SESN1: variants seen among roughly 807,000 people sequenced by gnomAD.
SESN1 encodes sestrin-1.
In SESN1, 30 loss-of-function variants were observed where a neutral mutation model predicts 59.3. The ratio of observed to expected loss-of-function variants is 0.51; its 90% confidence interval spans 0.38 to 0.69. The LOEUF (loss-of-function observed/expected upper bound fraction) is 0.69. Among genes scored for constraint, SESN1 ranks in the 30% least tolerant of loss-of-function variants. The pLI is 0.00. For missense variants in SESN1, 566 were observed against 673.0 expected (o/e 0.84, Z 1.76); for synonymous variants, 197 against 219.9 (o/e 0.90, Z 0.92).
intron 7 of SESN1, among the ~76,000 whole-genome samples, 199 bp from the exon 8 acceptor site, chr6:108,991,034 C>T (rs1191769946): frequency 6.7e-6 from 1 of 149,488 alleles, no homozygotes; most frequent in Non-Finnish European, 1.5e-5. Flanking sequence ...TGTTTTATAA[C>T]TCAGTGAGTT....
chr6:109,079,906 A>G (rs1291237597), intron 1 of SESN1, among the ~76,000 whole-genome samples: 1 of 152,240 alleles, frequency 6.6e-6, no homozygotes, highest in Non-Finnish European at 1.5e-5. Context: ...TATGAGCTCA[A>G]TGTAATTATA....
Position 109,009,544 on chromosome 6 carries a change from A to C in SESN1, c.280-7201T>G, listed in dbSNP as rs528669835. ...GGCTCCTGGCTGCAGCGCCTCAGTC[A>C]GCACGGACGGCGGGGGGGCGGGGCG... is the stretch of plus-strand genomic sequence containing the variant. On this transcript the variant is annotated intron_variant, in intron 1 of 9. Coordinates refer to ENST00000436639, the MANE Select transcript of SESN1 (RefSeq NM_014454.3). 4.7e-6 allele frequency: 5 copies of C among 1,063,808 alleles called. No individual in the cohort carries two copies. The East Asian group carries it at 2.4e-4, about 51-fold the overall frequency. 65.9% of individuals were successfully genotyped at this position (1,063,808 alleles called of 1,614,324 possible). A position where few individuals can be genotyped will look rare whatever the true frequency, so the allele number is the denominator to read the frequency against.
At chr6:109,049,500 A>T (rs1780508616) in intron 1 of SESN1, among the ~76,000 whole-genome samples, 1 of 152,122 alleles carries the variant, frequency 6.6e-6, no homozygotes, top group Non-Finnish European at 1.5e-5. Flanking sequence ...TAACAATATT[A>T]TATATTTTCA....
chr6:109,028,931 T>C (rs952199571), intron 1 of SESN1, among the ~76,000 whole-genome samples: 1 of 152,156 alleles, frequency 6.6e-6, no homozygotes, highest in African/African-American at 2.4e-5. Flanking sequence ...AGAGCGGGTA[T>C]CTCTGAATTG....
intron 1 of SESN1, among the ~76,000 whole-genome samples, chr6:109,038,814 T>C (rs1271409873): frequency 2.0e-5 from 3 of 151,426 alleles, no homozygotes; most frequent in Non-Finnish European, 2.9e-5. Context: ...TAAGAGCAGA[T>C]TCTGACGGCA....
intron 8 of SESN1, among the ~76,000 whole-genome samples, chr6:108,990,278 C>G (rs1266303291): frequency 1.3e-5 from 2 of 152,170 alleles, no homozygotes; most frequent in African/African-American, 2.4e-5. Context: ...TATAAGGGTA[C>G]TGATTTCCAA....
intron 1 of SESN1, among the ~76,000 whole-genome samples, chr6:109,026,146 A>G (rs1413901443): frequency 6.6e-6 from 1 of 152,200 alleles, no homozygotes; most frequent in Non-Finnish European, 1.5e-5. Context: ...GGATCAAAAT[A>G]TTGAGAGAAA....
chr6:109,042,932 G>A (rs1780365141), intron 1 of SESN1, among the ~76,000 whole-genome samples: 1 of 151,898 alleles, frequency 6.6e-6, no homozygotes, highest in Admixed American at 6.6e-5. Context: ...TGAAAATGGA[G>A]GCAAAAATCC....
chr6:109,000,764 T>A (rs1351252907), intron 3 of SESN1, 91 bp from the exon 4 acceptor site: 2 of 1,074,120 alleles, frequency 1.9e-6, no homozygotes, highest in Non-Finnish European at 2.4e-6. Context: ...GCTAATTAAG[T>A]TTATTAGTAT....
intron 1 of SESN1, among the ~76,000 whole-genome samples, chr6:109,014,140 T>C (rs1779899841): frequency 6.6e-6 from 1 of 152,180 alleles, no homozygotes; most frequent in Admixed American, 6.5e-5. Flanking sequence ...ACTTTCTACA[T>C]AGCTGTTTAG....
chr6:109,003,129 G>T (rs917836298), intron 1 of SESN1, among the ~76,000 whole-genome samples: 2 of 151,886 alleles, frequency 1.3e-5, no homozygotes, highest in Non-Finnish European at 2.9e-5. Flanking sequence ...TCCCCATATA[G>T]TGTGTTTACA....
chr6:108,991,375 TG>T (rs1252947935), intron 7 of SESN1, among the ~76,000 whole-genome samples: 1 of 152,190 alleles, frequency 6.6e-6, no homozygotes, highest in African/African-American at 2.4e-5. Context: ...CCTGAGTAAC[TG>T]GAACTATAGG....
At chr6:109,000,722 A>G in intron 3 of SESN1, 49 bp from the exon 4 acceptor site, 1 of 1,337,504 alleles carries the variant, frequency 7.5e-7, no homozygotes, top group Non-Finnish European at 9.8e-7. Context: ...ACCTTGAACT[A>G]CATATCCTTT....
chr6:108,995,435 G>A (rs916943349), intron 5 of SESN1, among the ~76,000 whole-genome samples: 2 of 152,154 alleles, frequency 1.3e-5, no homozygotes, highest in African/African-American at 4.8e-5. Context: ...TCTGCAAATG[G>A]ATCTGGCAGC....
intron 1 of SESN1, among the ~76,000 whole-genome samples, chr6:109,047,330 T>C (rs1780466409): frequency 8.0e-6 from 1 of 125,142 alleles, no homozygotes; most frequent in African/African-American, 2.9e-5. Flanking sequence ...AGCCGCCCCG[T>C]CCGGGAGGGA....
rs1779178159 is a variant in SESN1, at chr6:108,986,075, A to AGTT, written c.*1466_*1468dup. 1.3e-5 allele frequency among the ~76,000 whole-genome samples: 2 copies of AGTT among 149,856 alleles called. No individual in the cohort carries two copies. The highest frequency in any genetic ancestry group is 4.4e-4 in the South Asian group (2 of 4,548). The stretch of plus-strand genomic sequence containing the variant: ...AAATGTTTTGAGGAGTAACTAACAG[A>AGTT]GTTATCATCACAACAGCTTCAGTTA... On this transcript the variant is annotated 3_prime_UTR_variant, in exon 10 of 10. Coordinates refer to ENST00000436639, the MANE Select transcript of SESN1 (RefSeq NM_014454.3).
rs749208164 is a variant in SESN1, at chr6:109,000,462, C to G, written c.729+29G>C. Reference sequence around the variant, plus strand: ...ACTGCTCTAAAAAAGTCTGAAATGACTCCCAAGATATATTACCCCACTGCT... The same window carrying G: ...ACTGCTCTAAAAAAGTCTGAAATGAGTCCCAAGATATATTACCCCACTGCT... On this transcript the variant is annotated intron_variant, in intron 4 of 9. Coordinates refer to ENST00000436639, the MANE Select transcript of SESN1 (RefSeq NM_014454.3). 2.1e-6 allele frequency: 3 copies of G among 1,444,922 alleles called. No individual in the cohort carries two copies. In the Admixed American group the frequency reaches 7.1e-5, roughly 34 times the overall value. The allele number at this position is 1,444,922 out of a possible 1,614,324, so 89.5% of individuals were successfully genotyped here.
intron 1 of SESN1, among the ~76,000 whole-genome samples, chr6:109,066,590 G>A (rs527590628): frequency 9.2e-5 from 14 of 152,220 alleles, no homozygotes; most frequent in African/African-American, 3.1e-4. Flanking sequence ...ATAAAAATAA[G>A]ATGAAACTAA....
chr6:109,033,612 A>AC (rs374063608), intron 1 of SESN1, among the ~76,000 whole-genome samples: 32 of 152,230 alleles, frequency 2.1e-4, no homozygotes, highest in African/African-American at 7.5e-4. Context: ...CTAGATTGCA[A>AC]CCCCAGCACA....
Sources: allele counts gnomAD v4.1 joint callset (sites outside exome capture counted in the v4.1 genomes callset), GRCh38; gene constraint gnomAD v4.1.1; transcripts MANE v1.5; gene names NCBI Gene and HGNC (gene_info 2026-07-23, HGNC 2026-07-21).